Variants in DMXL2 observed in about 807,000 individuals in gnomAD.
DMXL2 encodes Dmx like 2.
A neutral mutation model predicts 331.1 loss-of-function variants in DMXL2; 103 were observed. The ratio of observed to expected loss-of-function variants is 0.31; its 90% CI spans 0.27 to 0.37. DMXL2 has a LOEUF of 0.37. DMXL2 is among the 10% of genes least tolerant of loss of function. DMXL2 has a pLI of 1.00. For missense variants in DMXL2, 3,171 were observed against 3,642.9 expected (o/e 0.87, Z 3.33); for synonymous variants, 1,281 against 1,252.1 (o/e 1.02, Z -0.49).
At chr15:51,598,407 C>A (rs1402675212) in intron 1 of DMXL2, among the ~76,000 whole-genome samples, 1 of 152,042 alleles carries the variant, frequency 6.6e-6, no homozygotes, top group Non-Finnish European at 1.5e-5. Flanking sequence ...TCTTATATGA[C>A]CACAGTACAA....
chr15:51,592,294 A>T (rs2052426220), intron 1 of DMXL2, among the ~76,000 whole-genome samples: 1 of 152,212 alleles, frequency 6.6e-6, no homozygotes, highest in African/African-American at 2.4e-5. Flanking sequence ...CGCTGATTCG[A>T]TCAACTGGAA....
At chr15:51,479,205 T>C (rs1413786614) in intron 25 of DMXL2, among the ~76,000 whole-genome samples, 1 of 152,200 alleles carries the variant, frequency 6.6e-6, no homozygotes, top group Admixed American at 6.5e-5. Flanking sequence ...CCCTAATTGG[T>C]TATGACCAGG....
In DMXL2 at chr15:51,565,131, A is replaced by G. The variant is rs774770175; in HGVS notation, c.321T>C (p.Phe107=). 4.4e-6 allele frequency: 7 copies of G among 1,586,470 alleles called. No individual in the cohort carries two copies. Among genetic ancestry groups the G allele is most frequent in the South Asian group, 1.2e-5 (1 of 84,918 alleles). ...LKCQWLKTGQ[F]FLSSVTYNLA... ...AGTTGTATGTCACAGAACTCAAAAA[A>G]AACTGCCCAGTTTTAAGCCACTGGC... The change falls in exon 4 of 44, where the codon TTT becomes TTC. Residue 107 remains phenylalanine, a synonymous_variant. Transcript: ENST00000560891.
intron 15 of DMXL2, among the ~76,000 whole-genome samples, chr15:51,514,004 T>C (rs1355725846): frequency 1.3e-5 from 2 of 152,298 alleles, no homozygotes; most frequent in Non-Finnish European, 2.9e-5. Flanking sequence ...GTACCTTGCA[T>C]TCACTATTTC....
chr15:51,562,893 A>G (rs906960677), intron 6 of DMXL2, among the ~76,000 whole-genome samples: 3 of 152,116 alleles, frequency 2.0e-5, no homozygotes, highest in African/African-American at 7.2e-5. Flanking sequence ...CTACAGTGGG[A>G]AGGCAAAAAA....
At chr15:51,507,647 A>G (rs1485692439) in intron 15 of DMXL2, among the ~76,000 whole-genome samples, 1 of 152,188 alleles carries the variant, frequency 6.6e-6, no homozygotes, top group Non-Finnish European at 1.5e-5. Flanking sequence ...TGGGAGGAGG[A>G]TAGAAGGGAA....
intron 1 of DMXL2, among the ~76,000 whole-genome samples, chr15:51,587,804 A>G (rs1275399071): frequency 6.6e-6 from 1 of 152,158 alleles, no homozygotes; most frequent in Non-Finnish European, 1.5e-5. Flanking sequence ...AAGTGTTCCT[A>G]TTTCTCCACA....
At chr15:51,458,914 G>A (rs868727907) in intron 34 of DMXL2, 119 bp from the exon 35 acceptor site, 3 of 600,028 alleles carry the variant, frequency 5.0e-6, no homozygotes, top group Admixed American at 6.5e-5. Flanking sequence ...AGCAGCAGCA[G>A]CAGCAAGAAA....
At chr15:51,568,027 T>C (rs2050406554) in intron 3 of DMXL2, 1 of 154,522 alleles carries the variant, frequency 6.5e-6, no homozygotes, top group Admixed American at 6.5e-5. Flanking sequence ...CAGTGAGCAG[T>C]GATCATGCCA....
At chr15:51,457,157 G>T in intron 37 of DMXL2, 171 bp downstream of exon 37, 1 of 744,704 alleles carries the variant, frequency 1.3e-6, no homozygotes, top group Non-Finnish European at 2.1e-6. Context: ...GCGCGACAGA[G>T]CCAGACCCTG....
intron 29 of DMXL2, 32 bp downstream of exon 29, chr15:51,471,191 C>A: frequency 6.3e-7 from 1 of 1,588,520 alleles, no homozygotes; most frequent in South Asian, 1.1e-5. Context: ...TGATAGACTT[C>A]TCTTAAAGCT....
At chr15:51,622,192 C>A (rs2054686375) in intron 1 of DMXL2, among the ~76,000 whole-genome samples, 2 of 152,214 alleles carry the variant, frequency 1.3e-5, no homozygotes, top group Admixed American at 6.5e-5. Flanking sequence ...GCCTTCTAGT[C>A]CAGTCACCTC....
At chr15:51,485,523 T>G (rs117125859) in intron 23 of DMXL2, among the ~76,000 whole-genome samples, 1 of 152,224 alleles carries the variant, frequency 6.6e-6, no homozygotes, top group Non-Finnish European at 1.5e-5. Flanking sequence ...TCTTACTTTT[T>G]TTCACTTAAA....
chr15:51,468,143 A>G (rs2040767930), intron 29 of DMXL2, among the ~76,000 whole-genome samples: 1 of 152,254 alleles, frequency 6.6e-6, no homozygotes, highest in Non-Finnish European at 1.5e-5. Flanking sequence ...CATGGTCACT[A>G]TAATTGATGC....
intron 13 of DMXL2, among the ~76,000 whole-genome samples, chr15:51,520,173 T>G (rs986973476): frequency 6.6e-6 from 1 of 152,228 alleles, no homozygotes; most frequent in Admixed American, 6.5e-5. Context: ...GTTGCTGTTA[T>G]CTCTACCTGA....
intron 20 of DMXL2, among the ~76,000 whole-genome samples, chr15:51,488,960 A>T (rs2042599138): frequency 1.3e-5 from 2 of 152,220 alleles, no homozygotes; most frequent in Admixed American, 1.3e-4. Flanking sequence ...CACTATCATT[A>T]TTCCCATTTT....
chr15:51,580,371 C>G (rs1220617033), intron 1 of DMXL2, among the ~76,000 whole-genome samples: 6 of 152,084 alleles, frequency 3.9e-5, no homozygotes, highest in African/African-American at 1.4e-4. Context: ...TCTGACTAAG[C>G]TAAGTTAGTA....
intron 6 of DMXL2, among the ~76,000 whole-genome samples, chr15:51,557,272 G>C (rs902893321): frequency 6.6e-6 from 1 of 152,030 alleles, no homozygotes; most frequent in African/African-American, 2.4e-5. Context: ...TTTACATGAT[G>C]ATTCCATTTA....
chr15:51,510,802 G>A (rs576740551), intron 15 of DMXL2, among the ~76,000 whole-genome samples: 16 of 152,206 alleles, frequency 1.1e-4, no homozygotes, highest in African/African-American at 3.4e-4. Context: ...ATACTACAAG[G>A]CTACAGTAAC....
Sources: allele counts gnomAD v4.1 joint callset (sites outside exome capture counted in the v4.1 genomes callset), GRCh38; gene constraint gnomAD v4.1.1; transcripts MANE v1.5; gene names NCBI Gene and HGNC (gene_info 2026-07-23, HGNC 2026-07-21).